The following TUBGCP5 variants were observed in gnomAD, a reference collection of about 807,000 sequenced individuals.
The protein encoded by TUBGCP5 is tubulin gamma complex component 5, also known as gamma-tubulin complex component 5.
Under a neutral mutation model 134.7 loss-of-function variants are expected in TUBGCP5, and 98 were observed. The observed-to-expected ratio is 0.73, with a 90% CI of 0.62 to 0.86. The LOEUF is 0.86. TUBGCP5 is among the 40% of genes least tolerant of loss of function. The pLI is 0.00. For missense variants in TUBGCP5, 1,150 were observed against 1,244.8 expected, an observed-to-expected ratio of 0.92 and a Z score of 1.15; for synonymous variants, 456 against 431.4, an observed-to-expected ratio of 1.06 and a Z score of -0.71.
chr15:23,031,007 T>C lies in TUBGCP5; in HGVS notation c.500A>G (p.Glu167Gly). Residue 167 changes from glutamate (E) to glycine (G), a missense_variant, in exon 6 of 23, where the codon GAA becomes GGA. Physicochemically the swap from Glu to Gly is moderately conservative, Grantham distance 98. Coordinates refer to ENST00000615383, the MANE Select transcript of TUBGCP5 (RefSeq NM_052903.6). ...CTGTTGATCATTTTCCTCTTCACTTTCTTCAGACCAATTCTGATTTAAAAA... is the reference window on the plus strand; with the variant it reads ...CTGTTGATCATTTTCCTCTTCACTTCCTTCAGACCAATTCTGATTTAAAAA... Reference protein sequence around the residue: ...PYMDTPNWSEESEEENDQQPL... With the variant: ...PYMDTPNWSEGSEEENDQQPL... The C allele has an allele frequency of 6.2e-7, 1 of 1,612,060 alleles. No individual in the cohort carries two copies. The highest frequency in any genetic ancestry group is 1.3e-5 in the African/African-American group (1 of 74,820).
Position 23,022,049 on chromosome 15 carries a change from A to G in TUBGCP5, c.1281T>C (p.Thr427=). The part of the protein sequence containing the change: ...STGVAEVPPD[T]RNVVRASHLL... ...GGTGAGAGGCCCGGACGACATTTCG[A>G]GTATCAGGTGGAACTTCTGCTACTC... The change falls in exon 11 of 23, where the codon ACT becomes ACC. Residue 427 remains threonine, a synonymous_variant. Transcript: ENST00000615383. The G allele has an allele frequency of 6.2e-7, 1 of 1,614,182 alleles. No homozygotes were observed. The highest frequency in any genetic ancestry group is 8.5e-7 in the Non-Finnish European group (1 of 1,180,022).
chr15:23,027,938 G>A (rs747061988), intron 6 of TUBGCP5, among the ~76,000 whole-genome samples: 4 of 152,070 alleles, frequency 2.6e-5, no homozygotes, highest in East Asian at 1.9e-4. Context: ...CAACCACTAC[G>A]GAAGTCTCAG....
At position 23,019,420 on chromosome 15, in the gene TUBGCP5, T is replaced by C. The variant is rs192495480; in HGVS notation, c.1372-86A>G. 1,230 of 814,178 alleles carry C rather than the reference T, an allele frequency of 1.5e-3. 1 individual carries two copies. Among genetic ancestry groups the C allele is most frequent in the Non-Finnish European group, 1.6e-3 (788 of 487,876 alleles). 50.4% of individuals were successfully genotyped at this position (814,178 alleles called of 1,614,324 possible). ...GGTTTAAACATTTCTGAAATGCCTTTAAAAAAGTGATCGGATTTCTATGTT... is the reference window on the plus strand; with the variant it reads ...GGTTTAAACATTTCTGAAATGCCTTCAAAAAAGTGATCGGATTTCTATGTT... On this transcript the variant is annotated intron_variant, in intron 11 of 22. Coordinates refer to ENST00000615383, the MANE Select transcript of TUBGCP5 (RefSeq NM_052903.6).
At chr15:23,004,316 C>T (rs563505157) in intron 19 of TUBGCP5, 89 bp from the exon 20 acceptor site, 2 of 1,470,334 alleles carry the variant, frequency 1.4e-6, no homozygotes, top group Admixed American at 2.3e-5. Flanking sequence ...AGCTCTTCTA[C>T]TCCTCTCAAA....
Position 23,022,110 on chromosome 15 carries a change from G to C in TUBGCP5, c.1220C>G (p.Ser407Cys), listed in dbSNP as rs1459872173. The C allele has an allele frequency of 6.2e-7, 1 of 1,614,080 alleles. No homozygotes were observed. The highest frequency in any genetic ancestry group is 8.5e-7 in the Non-Finnish European group (1 of 1,180,048). The change falls in exon 11 of 23, where the codon TCT becomes TGT. Residue 407 changes from serine to cysteine, a missense_variant. Coordinates refer to ENST00000615383, the MANE Select transcript of TUBGCP5 (RefSeq NM_052903.6). ...IVVDKLAPRL[S>C]QLKVLHKVFS... ...CACTTTGTGCAGAACCTTGAGCTGAGACAATCGAGGTGCCAACTTGTCCAC... is the reference window on the plus strand; with the variant it reads ...CACTTTGTGCAGAACCTTGAGCTGACACAATCGAGGTGCCAACTTGTCCAC...
At chr15:23,012,713 C>A (rs2065105551) in intron 13 of TUBGCP5, among the ~76,000 whole-genome samples, 2 of 152,182 alleles carry the variant, frequency 1.3e-5, no homozygotes, top group Admixed American at 1.3e-4. Context: ...TAAATTGCAT[C>A]ATTTTCTTGA....
intron 23 of TUBGCP5, among the ~76,000 whole-genome samples, chr15:22,991,138 A>G (rs958645713): frequency 3.2e-4 from 48 of 151,282 alleles, no homozygotes; most frequent in Admixed American, 2.2e-3. Flanking sequence ...TCGCGCGCTC[A>G]CCAGGCTGGA....
At chr15:22,990,744 G>C (rs1018310918) in intron 23 of TUBGCP5, among the ~76,000 whole-genome samples, 9 of 152,136 alleles carry the variant, frequency 5.9e-5, no homozygotes, top group Admixed American at 5.9e-4. Context: ...AAGAGTCTTA[G>C]CAGATCTAAG....
rs758564705 is a variant in TUBGCP5 at position 23,022,121 on chromosome 15, T to G, written c.1209A>C (p.Ala403=). 2.0e-5 allele frequency: 32 copies of G among 1,614,072 alleles called. No homozygotes were observed. The highest frequency in any genetic ancestry group is 2.7e-5 in the Non-Finnish European group (32 of 1,180,046). ...ITLAIVVDKL[A]PRLSQLKVLH... ...GAACCTTGAGCTGAGACAATCGAGG[T>G]GCCAACTTGTCCACCACTATTGCAA... The change falls in exon 11 of 23, where the codon GCA becomes GCC. Residue 403 remains alanine (A), a synonymous_variant. Transcript: ENST00000615383.
Position 23,023,945 on chromosome 15 carries a change from A to G in TUBGCP5, c.1168+2T>C. The G allele has an allele frequency of 6.2e-7, 1 of 1,613,586 alleles. No homozygotes were observed. Among genetic ancestry groups the G allele is most frequent in the Non-Finnish European group, 8.5e-7 (1 of 1,179,754 alleles). On this transcript the variant is annotated splice_donor_variant, in intron 10 of 22. Coordinates refer to ENST00000615383, the MANE Select transcript of TUBGCP5 (RefSeq NM_052903.6). LOFTEE classifies it high-confidence loss of function. ...TGAGTAAAGATGAAGAACATTTAAT[A>G]CCATTATTGATGATGCACTTCTCAA...
At chr15:22,998,057 G>GT (rs1314601976), downstream of TUBGCP5, among the ~76,000 whole-genome samples, 1 of 152,102 alleles carries the variant, frequency 6.6e-6, no homozygotes, top group Non-Finnish European at 1.5e-5. Context: ...GCTCACGCCT[G>GT]TAATCCCAGC....
Position 23,022,162 on chromosome 15 carries a change from CT to C in TUBGCP5, c.1169-2del. On this transcript the variant is annotated splice_acceptor_variant, in intron 10 of 22. Coordinates refer to ENST00000615383, the MANE Select transcript of TUBGCP5 (RefSeq NM_052903.6). LOFTEE classifies it high-confidence loss of function. ...ACTATTGCAAGAGTTATTGTAGTATCTGCAAATATCAATAAATCAAACTCAA... is the reference window on the plus strand; with the variant it reads ...ACTATTGCAAGAGTTATTGTAGTATCGCAAATATCAATAAATCAAACTCAA... 6.2e-7 allele frequency: 1 copy of C among 1,613,756 alleles called. No individual in the cohort carries two copies. Among genetic ancestry groups the C allele is most frequent in the Non-Finnish European group, 8.5e-7 (1 of 1,179,662 alleles).
At chr15:23,031,139 A>T in intron 5 of TUBGCP5, 119 bp from the exon 6 acceptor site, 1 of 1,015,844 alleles carries the variant, frequency 9.8e-7, no homozygotes, top group Non-Finnish European at 1.4e-6. Context: ...ATGGAACAGA[A>T]AAACAAATTT....
intron 17 of TUBGCP5, 28 bp downstream of exon 17, chr15:23,006,240 G>T (rs553792120): frequency 1.2e-6 from 2 of 1,607,436 alleles, no homozygotes; most frequent in African/African-American, 2.7e-5. Flanking sequence ...CAGAAAACAC[G>T]GTTCATACAA....
chr15:23,029,077 G>T (rs1895250283), intron 6 of TUBGCP5, among the ~76,000 whole-genome samples: 1 of 151,910 alleles, frequency 6.6e-6, no homozygotes, highest in African/African-American at 2.4e-5. Context: ...CACTCAAGAT[G>T]TTTAAAAAAA....
chr15:23,007,858 C>T (rs545182273), intron 16 of TUBGCP5, among the ~76,000 whole-genome samples: 53 of 152,160 alleles, frequency 3.5e-4, no homozygotes, highest in African/African-American at 1.2e-3. Flanking sequence ...CTGAGGTCAC[C>T]CTGGTGAGGG....
rs549136546 is a variant in TUBGCP5, at chr15:22,984,982, CAG to C, written c.*62-1373_*62-1372del. On this transcript the variant is annotated intron_variant and NMD_transcript_variant, in intron 23 of 23. Coordinates refer to the TUBGCP5 transcript ENST00000614508. ...ACAATACTGCAATACATATAACAGA[CAG>C]AGAGTTTGTGTCCAGAATATGTAAA... 1.4e-3 allele frequency among the ~76,000 whole-genome samples: 212 copies of C among 152,254 alleles called. 3 individuals carry two copies. The highest frequency in any genetic ancestry group is 5.0e-3 in the African/African-American group (208 of 41,560).
In TUBGCP5 at chr15:22,988,561, G is replaced by A. The variant is rs375948631; in HGVS notation, c.*62-4950C>T. 2.6e-4 allele frequency among the ~76,000 whole-genome samples: 40 copies of A among 151,324 alleles called. No homozygotes were observed. The East Asian group carries it at 3.6e-3, about 14-fold the overall frequency. ...ATCCTGGCTAACACAGTGAAACCCC[G>A]TCTCTACTAGAAAATACAAAAAAAA... On this transcript the variant is annotated intron_variant and NMD_transcript_variant, in intron 23 of 23. Coordinates refer to the TUBGCP5 transcript ENST00000614508.
intron 18 of TUBGCP5, 109 bp downstream of exon 18, chr15:23,005,943 C>T: frequency 1.2e-6 from 1 of 803,394 alleles, no homozygotes; most frequent in Non-Finnish European, 1.6e-6. Flanking sequence ...CAACCACCAA[C>T]TTTTTTTTTT....
Sources: allele counts gnomAD v4.1 joint callset (sites outside exome capture counted in the v4.1 genomes callset), GRCh38; gene constraint gnomAD v4.1.1; transcripts MANE v1.5; gene names NCBI Gene and HGNC (gene_info 2026-07-23, HGNC 2026-07-21).